The following UBR1 variants were observed in gnomAD, a reference collection of about 807,000 sequenced individuals.
UBR1 encodes E3 ubiquitin-protein ligase UBR1.
UBR1 carries 102 observed loss-of-function variants against 242.1 expected under a neutral mutation model. That is an observed-to-expected ratio of 0.42 (90% CI 0.36 to 0.50). The LOEUF (loss-of-function observed/expected upper bound fraction) is 0.50. Ranked by LOEUF, UBR1 falls within the 20% of genes least tolerant of loss-of-function variation. UBR1 has a pLI of 0.01. For synonymous variants in UBR1, 675 were observed against 684.8 expected, an observed-to-expected ratio of 0.99 and a Z score of 0.22; for missense variants, 1,772 against 2,101.8, an observed-to-expected ratio of 0.84 and a Z score of 3.07.
At chr15:43,089,439 AAG>A (rs1175998046) in intron 1 of UBR1, among the ~76,000 whole-genome samples, 1 of 149,412 alleles carries the variant, frequency 6.7e-6, no homozygotes, top group Non-Finnish European at 1.5e-5. Context: ...AGCTTGCAGT[AAG>A]CTGAGATTGC....
At chr15:43,056,537 A>C in intron 10 of UBR1, 95 bp from the exon 11 acceptor site, 1 of 791,376 alleles carries the variant, frequency 1.3e-6, no homozygotes, top group South Asian at 1.6e-5. Flanking sequence ...GTTTCTATCT[A>C]TAAAATGTCA....
chr15:43,096,825 C>T (rs1159389949), intron 1 of UBR1, among the ~76,000 whole-genome samples: 1 of 152,118 alleles, frequency 6.6e-6, no homozygotes, highest in African/African-American at 2.4e-5. Flanking sequence ...TTATTTCTAC[C>T]ACATCTGCAG....
chr15:43,004,536 G>A (rs1471594325), intron 30 of UBR1, among the ~76,000 whole-genome samples: 2 of 152,200 alleles, frequency 1.3e-5, no homozygotes, highest in Non-Finnish European at 2.9e-5. Flanking sequence ...ACGCCGCCAC[G>A]CCTGACTGGT....
chr15:43,088,283 G>A (rs2034063388), intron 1 of UBR1, among the ~76,000 whole-genome samples: 1 of 152,086 alleles, frequency 6.6e-6, no homozygotes, highest in South Asian at 2.1e-4. Flanking sequence ...CACCAGATGT[G>A]CACTATAACA....
intron 1 of UBR1, among the ~76,000 whole-genome samples, chr15:43,088,930 G>A (rs973985448): frequency 4.6e-5 from 7 of 151,922 alleles, no homozygotes; most frequent in African/African-American, 1.7e-4. Context: ...GGGAGGCCGA[G>A]GCGGGCGGAT....
chr15:43,087,273 C>T (rs574671959), intron 1 of UBR1, among the ~76,000 whole-genome samples: 3 of 152,106 alleles, frequency 2.0e-5, no homozygotes, highest in East Asian at 1.9e-4. Context: ...GGCGTGCTGG[C>T]GGGCGCCTGT....
At chr15:43,094,950 G>A (rs1455317342) in intron 1 of UBR1, among the ~76,000 whole-genome samples, 1 of 152,118 alleles carries the variant, frequency 6.6e-6, no homozygotes, top group African/African-American at 2.4e-5. Context: ...CCTCCTAAGG[G>A]ACAAATTCTC....
intron 42 of UBR1, among the ~76,000 whole-genome samples, chr15:42,962,191 C>T (rs886152834): frequency 6.6e-6 from 1 of 151,938 alleles, no homozygotes; most frequent in African/African-American, 2.4e-5. Context: ...ACTAGAAAAA[C>T]AGAAACCATT....
At chr15:43,095,554 A>AG (rs1429882857) in intron 1 of UBR1, among the ~76,000 whole-genome samples, 1 of 152,078 alleles carries the variant, frequency 6.6e-6, no homozygotes, top group African/African-American at 2.4e-5. Flanking sequence ...AAAAAAAAAA[A>AG]AAAAGGCTGC....
chr15:43,053,125 T>G (rs1208713946), intron 12 of UBR1, among the ~76,000 whole-genome samples: 1 of 152,160 alleles, frequency 6.6e-6, no homozygotes, highest in East Asian at 1.9e-4. Flanking sequence ...TCCCTTCCCC[T>G]GGTCACTGGA....
At chr15:43,083,105 A>G (rs2033991446) in intron 2 of UBR1, among the ~76,000 whole-genome samples, 1 of 152,214 alleles carries the variant, frequency 6.6e-6, no homozygotes, top group Admixed American at 6.5e-5. Context: ...CTGATTGCTC[A>G]TTGTTAAATG....
intron 1 of UBR1, among the ~76,000 whole-genome samples, chr15:43,093,240 AACTT>A (rs2034124149): frequency 6.6e-6 from 1 of 152,230 alleles, no homozygotes; most frequent in African/African-American, 2.4e-5. Flanking sequence ...CTGAAAAAGG[AACTT>A]ACTTAAGTAG....
rs2033015412 is a variant in UBR1, at chr15:43,015,821, C to G, written c.3076G>C (p.Ala1026Pro). The change falls in exon 29 of 47, where the codon GCT becomes CCT. Residue 1026 changes from alanine to proline, a missense_variant. Ala to Pro is a conservative substitution (Grantham distance 27). Coordinates refer to ENST00000290650, the MANE Select transcript of UBR1 (RefSeq NM_174916.3). ...ATGATCTTCTGGCGATGTAGCCTAG[C>G]AGCTTCAGCTTTTCTTTTTCGTTCT... is the stretch of plus-strand genomic sequence containing the variant. ...KAERKRKAEA[A>P]RLHRQKIMAQ... is the part of the protein sequence containing the mutation. 1 of 1,614,034 alleles carries G rather than the reference C, an allele frequency of 6.2e-7. No homozygotes were observed. Among genetic ancestry groups the G allele is most frequent in the African/African-American group, 1.3e-5 (1 of 74,928 alleles).
At chr15:43,054,700 G>A (rs774448304) in intron 12 of UBR1, 42 bp downstream of exon 12, 2 of 1,607,826 alleles carry the variant, frequency 1.2e-6, no homozygotes, top group Non-Finnish European at 1.7e-6. Flanking sequence ...TAAGCACACT[G>A]AGTTTAACAG....
At chr15:43,041,153 T>C (rs908860090) in intron 15 of UBR1, among the ~76,000 whole-genome samples, 6 of 152,206 alleles carry the variant, frequency 3.9e-5, no homozygotes, top group Non-Finnish European at 7.3e-5. Flanking sequence ...CGTATGTTTA[T>C]TGCAGCACTA....
chr15:43,012,231 A>G (rs1251744928), intron 29 of UBR1, among the ~76,000 whole-genome samples: 3 of 152,102 alleles, frequency 2.0e-5, no homozygotes, highest in African/African-American at 4.8e-5. Context: ...CGTCTCAAAA[A>G]AAAAAAAAAA....
At chr15:43,073,919 T>G (rs2033855259) in intron 4 of UBR1, among the ~76,000 whole-genome samples, 2 of 152,230 alleles carry the variant, frequency 1.3e-5, no homozygotes, top group Admixed American at 1.3e-4. Context: ...TACAGGTGTT[T>G]GCTGCTTTAG....
chr15:42,978,713 A>ATTTCT (rs562022505), intron 37 of UBR1, among the ~76,000 whole-genome samples: 25 of 151,040 alleles, frequency 1.7e-4, no homozygotes, highest in Middle Eastern at 3.4e-3. Context: ...GACTAGGTAA[A>ATTTCT]TTTCTTTTCT....
intron 30 of UBR1, among the ~76,000 whole-genome samples, chr15:43,004,875 G>A (rs1320699825): frequency 2.0e-5 from 3 of 150,742 alleles, no homozygotes; most frequent in Admixed American, 1.3e-4. Flanking sequence ...CTGCCCAGCC[G>A]CCCAGTCTGG....
Sources: allele counts gnomAD v4.1 joint callset (sites outside exome capture counted in the v4.1 genomes callset), GRCh38; gene constraint gnomAD v4.1.1; transcripts MANE v1.5; gene names NCBI Gene and HGNC (gene_info 2026-07-23, HGNC 2026-07-21).